The following UBP1 variants were observed in gnomAD, a reference collection of about 807,000 sequenced individuals.
UBP1 encodes upstream binding protein 1.
Under a neutral mutation model 76.1 loss-of-function variants are expected in UBP1, and 22 were observed. That is an observed-to-expected ratio of 0.29 (90% CI 0.21 to 0.41). The LOEUF (loss-of-function observed/expected upper bound fraction) is 0.41, where lower values mean the gene tolerates loss of function less well. Ranked by LOEUF, UBP1 falls within the 10% of genes least tolerant of loss-of-function variation. The pLI is 1.00. For synonymous variants in UBP1, 224 were observed against 237.1 expected (o/e 0.94, Z 0.51); for missense variants, 436 against 668.1 (o/e 0.65, Z 3.83).
intron 1 of UBP1, among the ~76,000 whole-genome samples, chr3:33,439,435 C>T (rs2045253142): frequency 6.6e-6 from 1 of 152,364 alleles, no homozygotes; most frequent in Admixed American, 6.5e-5. Context: ...GGAAAAGAAG[C>T]CCCTTCCCCC....
rs759307042 is a variant in UBP1, at chr3:33,439,719, C to T, written c.113+17G>A. On this transcript the variant is annotated intron_variant, in intron 1 of 15. Transcript: ENST00000283629. ...CCAAGGAGACAGAGGCTTCTCCCCGCCCAGGGAGCCCAGTACCTCATGCTG... is the reference window on the plus strand; with the variant it reads ...CCAAGGAGACAGAGGCTTCTCCCCGTCCAGGGAGCCCAGTACCTCATGCTG... 3.1e-6 allele frequency: 5 copies of T among 1,609,656 alleles called. No homozygotes were observed. Among genetic ancestry groups the T allele is most frequent in the Non-Finnish European group, 4.2e-6 (5 of 1,178,192 alleles).
At chr3:33,425,996 A>AATAAATATATATATATATATAT (rs1404753322) in intron 1 of UBP1, among the ~76,000 whole-genome samples, 2 of 55,136 alleles carry the variant, frequency 3.6e-5, no homozygotes, top group African/African-American at 1.7e-4. Flanking sequence ...GGCAGCTCTG[A>AATAAATATATATATATATATAT]ATATATATAT....
Position 33,388,767 on chromosome 3 carries a change from C to T in UBP1, c.*1564G>A, listed in dbSNP as rs375044770. On this transcript the variant is annotated 3_prime_UTR_variant, in exon 16 of 16. Coordinates refer to ENST00000283629, the MANE Select transcript of UBP1 (RefSeq NM_014517.5). Reference sequence around the variant, plus strand: ...ATAGGAGTTACAGATATTTTCAAATCGATGATGAAAATAGATCGTGCTTCT... The same window carrying T: ...ATAGGAGTTACAGATATTTTCAAATTGATGATGAAAATAGATCGTGCTTCT... 6 of 152,140 alleles carry T rather than the reference C, an allele frequency of 3.9e-5. No individual in the cohort carries two copies. In the East Asian group the frequency reaches 7.7e-4, roughly 20 times the overall value. 9.4% of individuals were successfully genotyped at this position (152,140 alleles called of 1,614,324 possible). A position where few individuals can be genotyped will look rare whatever the true frequency, so the allele number is the denominator to read the frequency against.
intron 4 of UBP1, 60 bp from the exon 5 acceptor site, chr3:33,411,747 A>T: frequency 7.6e-7 from 1 of 1,309,112 alleles, no homozygotes; most frequent in Non-Finnish European, 1.1e-6. Context: ...AAAAACTTAC[A>T]ACTTACTATA....
At chr3:33,396,122 G>C in intron 13 of UBP1, 40 bp downstream of exon 13, 1 of 1,493,596 alleles carries the variant, frequency 6.7e-7, no homozygotes, top group Non-Finnish European at 9.2e-7. Context: ...CTGTCTGACA[G>C]TCTCAGAAGT....
intron 1 of UBP1, among the ~76,000 whole-genome samples, chr3:33,428,792 C>T (rs1251704988): frequency 1.4e-5 from 2 of 146,504 alleles, no homozygotes; most frequent in East Asian, 2.0e-4. Flanking sequence ...AAAGTCCTTA[C>T]GAAATCCTAC....
Position 33,435,806 on chromosome 3 carries a change from GCAT to G in UBP1, c.113+3927_113+3929del, listed in dbSNP as rs529414591. 1.1e-3 allele frequency among the ~76,000 whole-genome samples: 169 copies of G among 152,278 alleles called. 1 individual carries two copies. Among genetic ancestry groups the G allele is most frequent in the African/African-American group, 3.7e-3 (152 of 41,544 alleles). ...TGCCACTGCCCAACATCACAAGAGA[GCAT>G]CATACCATGTATCAGGAGCCTGGGA... is the stretch of plus-strand genomic sequence containing the variant. On this transcript the variant is annotated intron_variant, in intron 1 of 15. Transcript: ENST00000283629.
chr3:33,416,897 A>T (rs561095350), intron 2 of UBP1, 63 bp from the exon 3 acceptor site: 1 of 1,345,738 alleles, frequency 7.4e-7, no homozygotes, highest in South Asian at 1.2e-5. Context: ...GCTTAACATA[A>T]TTCAAAATGC....
intron 2 of UBP1, among the ~76,000 whole-genome samples, chr3:33,422,763 G>A (rs990260052): frequency 8.4e-6 from 1 of 118,830 alleles, no homozygotes. Flanking sequence ...AGAGGAGGAG[G>A]GGGGGAGAAA....
chr3:33,390,665 C>CT, intron 15 of UBP1: 2 of 435,582 alleles, frequency 4.6e-6, no homozygotes, highest in Non-Finnish European at 8.4e-6. Context: ...AATAATAGTG[C>CT]TGTCCATAAG....
intron 13 of UBP1, 143 bp downstream of exon 13, chr3:33,396,017 CCT>C (rs1163014635): frequency 9.8e-6 from 6 of 610,258 alleles, no homozygotes; most frequent in Non-Finnish European, 1.6e-5. Context: ...AGAGCTGCCA[CCT>C]CTCATTGCTG....
chr3:33,410,665 G>C (rs1244899783), intron 5 of UBP1, among the ~76,000 whole-genome samples: 1 of 152,114 alleles, frequency 6.6e-6, no homozygotes, highest in Non-Finnish European at 1.5e-5. Flanking sequence ...GTGGGTATTA[G>C]AATCACTATT....
rs2043682909 is a variant in UBP1 at position 33,389,741 on chromosome 3, G to A, written c.*590C>T. On this transcript the variant is annotated 3_prime_UTR_variant, in exon 16 of 16. Coordinates refer to ENST00000283629, the MANE Select transcript of UBP1 (RefSeq NM_014517.5). ...TGCTTCAAGCCCATCTTCCTGGCTT[G>A]GATCTTCTCCAATCTGGCATGATCA... 1 of 152,856 alleles carries A rather than the reference G, an allele frequency of 6.5e-6. No individual in the cohort carries two copies. Among genetic ancestry groups the A allele is most frequent in the Non-Finnish European group, 1.5e-5 (1 of 68,160 alleles). The allele number at this position is 152,856 out of a possible 1,614,324, so 9.5% of individuals were successfully genotyped here.
At chr3:33,415,117 A>G (rs1487242517) in intron 3 of UBP1, among the ~76,000 whole-genome samples, 3 of 152,252 alleles carry the variant, frequency 2.0e-5, no homozygotes, top group Admixed American at 2.0e-4. Flanking sequence ...TCCCAAGTTA[A>G]TCTGACAGGT....
chr3:33,397,249 T>A (rs2044036328), intron 11 of UBP1, 114 bp from the exon 12 acceptor site: 2 of 678,568 alleles, frequency 2.9e-6, no homozygotes, highest in Non-Finnish European at 4.8e-6. Context: ...ATATCCTGAA[T>A]ACACACATAC....
At chr3:33,435,828 C>G (rs1433831826) in intron 1 of UBP1, among the ~76,000 whole-genome samples, 2 of 152,128 alleles carry the variant, frequency 1.3e-5, no homozygotes, top group African/African-American at 2.4e-5. Context: ...GTATCAGGAG[C>G]CTGGGAAAGA....
In UBP1 at chr3:33,439,618, C is replaced by A. The variant is rs1476148579; in HGVS notation, c.113+118G>T. On this transcript the variant is annotated intron_variant, in intron 1 of 15. Transcript: ENST00000283629. Reference sequence around the variant, plus strand: ...CGACCGCCACGCGGCAGGACTCCGACCCCGCAGCCCAGGAGGCCCGCGCAC... The same window carrying A: ...CGACCGCCACGCGGCAGGACTCCGAACCCGCAGCCCAGGAGGCCCGCGCAC... 2.7e-6 allele frequency: 3 copies of A among 1,118,860 alleles called. No individual in the cohort carries two copies. In the African/African-American group the frequency reaches 4.9e-5, roughly 18 times the overall value. 69.3% of individuals were successfully genotyped at this position (1,118,860 alleles called of 1,614,324 possible). A position where few individuals can be genotyped will look rare whatever the true frequency, so the allele number is the denominator to read the frequency against.
intron 4 of UBP1, among the ~76,000 whole-genome samples, chr3:33,412,104 T>C (rs72852084): frequency 0.26 from 38,639 of 150,622 alleles, 5,835 homozygotes; most frequent in East Asian, 0.47. Context: ...CAAGAATCAC[T>C]TGAACCCAGG....
intron 14 of UBP1, 163 bp from the exon 15 acceptor site, chr3:33,392,777 C>T (rs953021442): frequency 7.4e-5 from 47 of 633,802 alleles, no homozygotes; most frequent in African/African-American, 7.2e-4. Flanking sequence ...ACACGTGCTG[C>T]ACTGCCTTGT....
Sources: allele counts gnomAD v4.1 joint callset (sites outside exome capture counted in the v4.1 genomes callset), GRCh38; gene constraint gnomAD v4.1.1; transcripts MANE v1.5; gene names NCBI Gene and HGNC (gene_info 2026-07-23, HGNC 2026-07-21).